TEX2: variants seen among roughly 807,000 people sequenced by gnomAD.
The protein encoded by TEX2 is testis expressed 2, also known as testis-expressed protein 2.
TEX2 carries 53 observed loss-of-function variants against 106.9 expected under a neutral mutation model. The observed-to-expected ratio is 0.50, with a 90% confidence interval of 0.40 to 0.62. The LOEUF (loss-of-function observed/expected upper bound fraction) is 0.62, where lower values mean the gene tolerates loss of function less well. Among genes scored for constraint, TEX2 ranks in the 20% least tolerant of loss-of-function variants. The pLI is 0.00. For missense variants in TEX2, 1,207 were observed against 1,379.0 expected (o/e 0.88, Z 1.98); for synonymous variants, 523 against 534.8 (o/e 0.98, Z 0.30).
At chr17:64,253,572 A>G (rs2034132525) in intron 1 of TEX2, among the ~76,000 whole-genome samples, 1 of 152,180 alleles carries the variant, frequency 6.6e-6, no homozygotes, top group Non-Finnish European at 1.5e-5. Flanking sequence ...GAGTATTCCA[A>G]GCAAAAAGAT....
At chr17:64,189,174 A>T (rs552550541) in intron 4 of TEX2, among the ~76,000 whole-genome samples, 1 of 152,216 alleles carries the variant, frequency 6.6e-6, no homozygotes, top group Non-Finnish European at 1.5e-5. Context: ...TAAAAAGAAG[A>T]CATAATCCCT....
intron 6 of TEX2, among the ~76,000 whole-genome samples, chr17:64,174,302 A>G (rs1433902028): frequency 6.6e-6 from 1 of 152,096 alleles, no homozygotes; most frequent in East Asian, 1.9e-4. Context: ...AGGACCTGAG[A>G]CAGGACCTGA....
intron 1 of TEX2, among the ~76,000 whole-genome samples, chr17:64,236,686 G>A (rs575679569): frequency 1.3e-5 from 2 of 152,232 alleles, no homozygotes; most frequent in African/African-American, 4.8e-5. Flanking sequence ...GGATACCGAG[G>A]GATGATTACA....
intron 7 of TEX2, among the ~76,000 whole-genome samples, chr17:64,161,417 C>T (rs2030877903): frequency 6.6e-6 from 1 of 152,126 alleles, no homozygotes; most frequent in Non-Finnish European, 1.5e-5. Flanking sequence ...TAAAATTCTC[C>T]AGTATTGGGA....
intron 1 of TEX2, among the ~76,000 whole-genome samples, chr17:64,259,007 CA>C (rs2034240277): frequency 6.6e-6 from 1 of 152,178 alleles, no homozygotes; most frequent in Non-Finnish European, 1.5e-5. Context: ...ATCCGCCTCC[CA>C]AAGTGCTGGG....
chr17:64,194,849 G>A (rs1466232845), intron 3 of TEX2, 46 bp downstream of exon 3: 1 of 1,581,658 alleles, frequency 6.3e-7, no homozygotes, highest in South Asian at 1.1e-5. Context: ...GATGCCATAT[G>A]CTTTTCATTC....
At position 64,188,256 on chromosome 17, in the gene TEX2, T is replaced by C. The variant is rs770661299; in HGVS notation, c.2336A>G (p.Tyr779Cys). The change falls in exon 5 of 12, where the codon TAC (tyrosine) becomes TGC (cysteine). Residue 779 changes from tyrosine to cysteine, a missense_variant. Transcript: ENST00000584379. ...TTCCTGGGGGACACACCTGCCCATG[T>C]ACACGCTGTAGTCGAGAAGCATCTT... The part of the protein sequence containing the change: ...RQKMLLDYSV[Y>C]MGRCVPQESR... The C allele has an allele frequency of 6.2e-7, 1 of 1,614,022 alleles. No individual in the cohort carries two copies. Among genetic ancestry groups the C allele is most frequent in the Admixed American group, 1.7e-5 (1 of 60,032 alleles).
At chr17:64,181,885 C>T (rs1215762500) in intron 5 of TEX2, among the ~76,000 whole-genome samples, 2 of 150,404 alleles carry the variant, frequency 1.3e-5, no homozygotes, top group Non-Finnish European at 3.0e-5. Flanking sequence ...ATTTTTCCAT[C>T]CTTCCATAGC....
Position 64,148,978 on chromosome 17 carries a change from A to T in TEX2, c.3375T>A (p.Asp1125Glu), listed in dbSNP as rs2143568988. The change falls in exon 12 of 12, where the codon GAT (aspartate) becomes GAA (glutamate). Residue 1125 changes from aspartate to glutamate, a missense_variant. Transcript: ENST00000584379. ...LLKDPPVEAA[D>E]QP ...CATCTGACATCACCCATCATGGCTG[A>T]TCAGCAGCCTCCACAGGTGGGTCTT... The T allele has an allele frequency of 6.2e-7, 1 of 1,614,230 alleles. No individual in the cohort carries two copies. Among genetic ancestry groups the T allele is most frequent in the East Asian group, 2.2e-5 (1 of 44,890 alleles).
chr17:64,207,537 C>G (rs994409712), intron 2 of TEX2, among the ~76,000 whole-genome samples: 2 of 152,204 alleles, frequency 1.3e-5, no homozygotes, highest in African/African-American at 4.8e-5. Flanking sequence ...CAAACCAGCT[C>G]ACTTATCCCC....
intron 1 of TEX2, among the ~76,000 whole-genome samples, chr17:64,254,498 A>G (rs2034149963): frequency 6.6e-6 from 1 of 152,226 alleles, no homozygotes; most frequent in Admixed American, 6.5e-5. Context: ...TTAAAATTAA[A>G]GCTTCCAATT....
intron 7 of TEX2, among the ~76,000 whole-genome samples, chr17:64,169,996 T>C (rs1429909002): frequency 6.6e-6 from 1 of 152,198 alleles, no homozygotes; most frequent in East Asian, 1.9e-4. Flanking sequence ...CCTCTTTTTT[T>C]ACCAAACTCC....
chr17:64,250,474 A>G (rs1173965906), intron 1 of TEX2, among the ~76,000 whole-genome samples: 1 of 152,032 alleles, frequency 6.6e-6, no homozygotes, highest in African/African-American at 2.4e-5. Flanking sequence ...ACTTCCCTCT[A>G]CCTGCTCTCA....
chr17:64,237,359 G>T (rs2033793769), intron 1 of TEX2, among the ~76,000 whole-genome samples: 1 of 152,098 alleles, frequency 6.6e-6, no homozygotes, highest in African/African-American at 2.4e-5. Context: ...GCCACATTGA[G>T]GATCTAGTTT....
intron 8 of TEX2, among the ~76,000 whole-genome samples, chr17:64,157,585 A>G (rs1598118218): frequency 1.3e-5 from 2 of 152,366 alleles, no homozygotes; most frequent in Middle Eastern, 3.4e-3. Context: ...TTAAATGAAG[A>G]CGCATAATTA....
At chr17:64,223,941 G>A (rs1403449583) in intron 1 of TEX2, among the ~76,000 whole-genome samples, 1 of 152,050 alleles carries the variant, frequency 6.6e-6, no homozygotes, top group Non-Finnish European at 1.5e-5. Context: ...GCCGAGGCAG[G>A]TAACACAGCA....
At position 64,185,797 on chromosome 17, in the gene TEX2, C is replaced by T. The variant is rs2032051948; in HGVS notation, c.2424+2371G>A. Among the ~76,000 whole-genome samples the T allele has an allele frequency of 6.6e-6, 1 of 152,182 alleles. No homozygotes were observed. The highest frequency in any genetic ancestry group is 1.5e-5 in the Non-Finnish European group (1 of 68,038). On this transcript the variant is annotated intron_variant, in intron 5 of 11. Coordinates refer to ENST00000584379, the MANE Select transcript of TEX2 (RefSeq NM_001288732.2). This position sits in a 1 kb window ranked among gnomAD's most constrained non-coding sequence, Gnocchi z 4.0. ...ATTAGCCGGACGTGGTAGCGTGTGACTGCAGTCCTGGCTACTCAGGAGGCT... is the reference window on the plus strand; with the variant it reads ...ATTAGCCGGACGTGGTAGCGTGTGATTGCAGTCCTGGCTACTCAGGAGGCT...
chr17:64,260,604 C>T (rs910488097), intron 1 of TEX2, among the ~76,000 whole-genome samples: 28 of 152,212 alleles, frequency 1.8e-4, no homozygotes, highest in African/African-American at 6.5e-4. Flanking sequence ...GGCTATCACA[C>T]CTCCATTAGA....
intron 1 of TEX2, among the ~76,000 whole-genome samples, chr17:64,221,510 C>T (rs1555633295): frequency 6.6e-6 from 1 of 152,146 alleles, no homozygotes; most frequent in East Asian, 1.9e-4. Flanking sequence ...CACCCCACAT[C>T]CATTAGGATG....
Sources: allele counts gnomAD v4.1 joint callset (sites outside exome capture counted in the v4.1 genomes callset), GRCh38; gene constraint gnomAD v4.1.1; non-coding constraint Gnocchi (gnomAD v3.1); transcripts MANE v1.5; gene names NCBI Gene and HGNC (gene_info 2026-07-23, HGNC 2026-07-21).